The following NDST4 variants were observed in gnomAD, a reference collection of about 807,000 sequenced individuals.
The protein encoded by NDST4 is N-deacetylase and N-sulfotransferase 4.
NDST4 carries 63 observed loss-of-function variants against 100.8 expected under a neutral mutation model. The ratio of observed to expected loss-of-function variants is 0.62; its 90% CI spans 0.51 to 0.77. NDST4 has a LOEUF of 0.77. Ranked by LOEUF, NDST4 falls within the 30% of genes least tolerant of loss-of-function variation. NDST4 has a pLI of 0.00. For synonymous variants in NDST4, 377 were observed against 361.8 expected, an observed-to-expected ratio of 1.04 and a Z score of -0.48; for missense variants, 943 against 1,018.4, an observed-to-expected ratio of 0.93 and a Z score of 1.01.
intron 2 of NDST4, among the ~76,000 whole-genome samples, chr4:115,052,633 C>T: frequency 6.6e-6 from 1 of 152,136 alleles, no homozygotes; most frequent in Non-Finnish European, 1.5e-5. Context: ...ACTTTTGCTC[C>T]TTATTTGCCT....
intron 6 of NDST4, among the ~76,000 whole-genome samples, chr4:114,912,783 C>G (rs1183525115): frequency 6.6e-6 from 1 of 152,052 alleles, no homozygotes; most frequent in Middle Eastern, 3.2e-3. Flanking sequence ...CTGTTTGGGT[C>G]ATTAGCGTCA....
chr4:114,937,416 A>T lies in NDST4; in HGVS notation c.1309T>A (p.Trp437Arg). 1 of 1,613,958 alleles carries T rather than the reference A, an allele frequency of 6.2e-7. No homozygotes were observed. Among genetic ancestry groups the T allele is most frequent in the Non-Finnish European group, 8.5e-7 (1 of 1,179,918 alleles). ...YPVHIQLYAA[W>R]KKVWGIQVTS... Reference sequence around the variant, plus strand: ...ACTTGAATACCCCAGACCTTCTTCCAAGCTGCATACAGCTGAATGTGAACC... The same window carrying T: ...ACTTGAATACCCCAGACCTTCTTCCTAGCTGCATACAGCTGAATGTGAACC... Residue 437 changes from tryptophan to arginine, a missense_variant, in exon 5 of 14, where the codon TGG (tryptophan) becomes AGG (arginine). By Grantham distance (101) the Trp-to-Arg change is moderately radical. Around this residue, in one of 2 missense-constraint regions of NDST4, gnomAD observed 526 missense variants for 634.1 expected, o/e 0.83. Transcript: ENST00000264363.
At chr4:114,873,916 G>T in intron 6 of NDST4, among the ~76,000 whole-genome samples, 1 of 151,952 alleles carries the variant, frequency 6.6e-6, no homozygotes, top group Admixed American at 6.6e-5. Flanking sequence ...ATTTTAAGAA[G>T]GAATTGTAAA....
chr4:114,838,381 G>A (rs1394751690), intron 11 of NDST4, among the ~76,000 whole-genome samples: 1 of 152,148 alleles, frequency 6.6e-6, no homozygotes, highest in African/African-American at 2.4e-5. Flanking sequence ...TATGTTCATT[G>A]CAGCACTATT....
intron 6 of NDST4, among the ~76,000 whole-genome samples, chr4:114,886,183 A>G (rs980805453): frequency 1.3e-5 from 2 of 152,138 alleles, no homozygotes; most frequent in Non-Finnish European, 1.5e-5. Context: ...CGTGCCTGTT[A>G]AGTGAATTCA....
intron 6 of NDST4, among the ~76,000 whole-genome samples, chr4:114,918,559 A>AT (rs1725223114): frequency 2.3e-5 from 1 of 42,930 alleles, no homozygotes. Flanking sequence ...ATAAAAATAA[A>AT]TAAAAAAAAA....
At chr4:115,005,092 T>A (rs912196312) in intron 2 of NDST4, among the ~76,000 whole-genome samples, 1 of 152,240 alleles carries the variant, frequency 6.6e-6, no homozygotes, top group Admixed American at 6.5e-5. Flanking sequence ...ATACCTATTA[T>A]GTGATTGTCA....
intron 2 of NDST4, among the ~76,000 whole-genome samples, chr4:115,000,389 T>G (rs556962418): frequency 1.3e-5 from 2 of 152,046 alleles, no homozygotes; most frequent in South Asian, 4.1e-4. Context: ...AGAATTCTGC[T>G]AAGAAATCAA....
intron 1 of NDST4, among the ~76,000 whole-genome samples, chr4:115,112,976 C>T (rs879168626): frequency 6.6e-6 from 1 of 151,844 alleles, no homozygotes; most frequent in Non-Finnish European, 1.5e-5. Context: ...CAGAGCATGC[C>T]TATAAATCTC....
At chr4:115,037,979 AT>A (rs1367160352) in intron 2 of NDST4, among the ~76,000 whole-genome samples, 1 of 152,196 alleles carries the variant, frequency 6.6e-6, no homozygotes, top group Non-Finnish European at 1.5e-5. Context: ...TTTGACTATA[AT>A]TGCAGCTGAA....
chr4:114,943,073 T>G (rs575793215), intron 4 of NDST4, among the ~76,000 whole-genome samples: 1 of 147,194 alleles, frequency 6.8e-6, no homozygotes, highest in African/African-American at 2.5e-5. Flanking sequence ...ATTTATATAT[T>G]ATATAATATA....
intron 2 of NDST4, among the ~76,000 whole-genome samples, chr4:115,058,996 C>CAA (rs1287876341): frequency 6.6e-6 from 1 of 151,702 alleles, no homozygotes; most frequent in Non-Finnish European, 1.5e-5. Flanking sequence ...CACACACACA[C>CAA]ACACACACGC....
chr4:114,981,266 GAAGA>G (rs781701530), intron 2 of NDST4, among the ~76,000 whole-genome samples: 16 of 136,048 alleles, frequency 1.2e-4, no homozygotes, highest in African/African-American at 1.7e-4. Context: ...AGGAAGGAAG[GAAGA>G]AAGCAGGAAA....
At chr4:114,991,151 C>T (rs1404848038) in intron 2 of NDST4, among the ~76,000 whole-genome samples, 1 of 152,066 alleles carries the variant, frequency 6.6e-6, no homozygotes, top group African/African-American at 2.4e-5. Context: ...TGGTGTAGGC[C>T]CTGGTTTCTC....
intron 4 of NDST4, among the ~76,000 whole-genome samples, chr4:114,938,583 A>G (rs1725683467): frequency 6.6e-6 from 1 of 152,242 alleles, no homozygotes; most frequent in South Asian, 2.1e-4. Context: ...TTGAATCAAT[A>G]AACAGAACAC....
chr4:115,105,912 T>C (rs954880238), intron 1 of NDST4, among the ~76,000 whole-genome samples: 1 of 152,186 alleles, frequency 6.6e-6, no homozygotes, highest in Non-Finnish European at 1.5e-5. Context: ...TAATTATTAC[T>C]GTGTTTTTCA....
intron 2 of NDST4, among the ~76,000 whole-genome samples, chr4:115,072,802 A>T (rs754463426): frequency 2.6e-5 from 4 of 151,984 alleles, no homozygotes; most frequent in Non-Finnish European, 5.9e-5. Flanking sequence ...TGACCCAAAA[A>T]CACAAGCAAC....
intron 8 of NDST4, among the ~76,000 whole-genome samples, chr4:114,848,931 C>A (rs1298867902): frequency 6.6e-6 from 1 of 152,160 alleles, no homozygotes; most frequent in Non-Finnish European, 1.5e-5. Context: ...AAGACCAGAG[C>A]ACCTTTCCAA....
intron 6 of NDST4, among the ~76,000 whole-genome samples, chr4:114,874,003 C>T (rs1360967803): frequency 1.3e-5 from 2 of 152,006 alleles, no homozygotes; most frequent in African/African-American, 4.8e-5. Flanking sequence ...GCATTAAGTG[C>T]ATTCACATTG....
Sources: gnomAD v4.1 joint callset for allele counts (sites outside exome capture counted in the v4.1 genomes callset) on GRCh38, gnomAD v4.1.1 for gene constraint, gnomAD v4.1.1 regional missense constraint, MANE v1.5 for transcripts, NCBI Gene and HGNC (gene_info 2026-07-23, HGNC 2026-07-21) for gene names.